The following ABCG1 variants were observed in gnomAD, a reference collection of about 807,000 sequenced individuals.
ABCG1 encodes ATP binding cassette subfamily G member 1.
In ABCG1, 29 loss-of-function variants were observed where a neutral mutation model predicts 69.2. The ratio of observed to expected loss-of-function variants is 0.42; its 90% CI spans 0.31 to 0.57. The LOEUF is 0.57. Among genes scored for constraint, ABCG1 ranks in the 20% least tolerant of loss-of-function variants. The pLI is 0.15. For missense variants in ABCG1, 718 were observed against 898.1 expected, an observed-to-expected ratio of 0.80 and a Z score of 2.56; for synonymous variants, 370 against 374.8, an observed-to-expected ratio of 0.99 and a Z score of 0.15.
intron 2 of ABCG1, among the ~76,000 whole-genome samples, chr21:42,232,346 C>A (rs1228252356): frequency 6.6e-6 from 1 of 152,212 alleles, no homozygotes; most frequent in African/African-American, 2.4e-5. Flanking sequence ...CAAACCCTCA[C>A]CAGCTTGGGC....
chr21:42,276,801 G>A lies in ABCG1; in HGVS notation c.538-94G>A. The A allele has an allele frequency of 7.6e-7, 1 of 1,307,694 alleles. No homozygotes were observed. The highest frequency in any genetic ancestry group is 1.1e-6 in the Non-Finnish European group (1 of 912,190). The allele number at this position is 1,307,694 out of a possible 1,614,324, so 81.0% of individuals were successfully genotyped here. A position where few individuals can be genotyped will look rare whatever the true frequency, so the allele number is the denominator to read the frequency against. Reference sequence around the variant, plus strand: ...TGGCACTGTGGCTAGCTGCATCTTGGCTAGCTGCACCGTGGCCTGCAGTGC... The same window carrying A: ...TGGCACTGTGGCTAGCTGCATCTTGACTAGCTGCACCGTGGCCTGCAGTGC... On this transcript the variant is annotated intron_variant, in intron 4 of 14. Transcript: ENST00000398449. The surrounding 1 kb of genome is among the most constrained non-coding windows in gnomAD (Gnocchi z 5.3).
In ABCG1 at chr21:42,276,752, T is replaced by C. The variant is rs1248253801; in HGVS notation, c.538-143T>C. ...CTAGCGGCATTGTGGCTAGCTGCAC[T>C]GTGGGTAGCTGCACCGTGGCTAGTG... On this transcript the variant is annotated intron_variant, in intron 4 of 14. Coordinates refer to ENST00000398449, the MANE Select transcript of ABCG1 (RefSeq NM_016818.3). The surrounding 1 kb of genome is among the most constrained non-coding windows in gnomAD (Gnocchi z 5.3). The C allele has an allele frequency of 1.3e-6, 1 of 770,114 alleles. No homozygotes were observed. Among genetic ancestry groups the C allele is most frequent in the Non-Finnish European group, 2.2e-6 (1 of 457,078 alleles). 47.7% of individuals were successfully genotyped at this position (770,114 alleles called of 1,614,324 possible).
At chr21:42,236,177 G>T (rs2067976012) in intron 2 of ABCG1, among the ~76,000 whole-genome samples, 3 of 152,220 alleles carry the variant, frequency 2.0e-5, no homozygotes, top group African/African-American at 4.8e-5. Context: ...TGCAGCGTTG[G>T]CTCCGCTAAG....
chr21:42,292,737 T>C (rs1475204023), intron 13 of ABCG1, among the ~76,000 whole-genome samples: 145 of 68,156 alleles, frequency 2.1e-3, no homozygotes, highest in Middle Eastern at 0.034. Flanking sequence ...ACACACTGCA[T>C]ACACACCACA....
chr21:42,200,323 C>G (rs1455797900), intron 1 of ABCG1, among the ~76,000 whole-genome samples: 1 of 152,212 alleles, frequency 6.6e-6, no homozygotes, highest in Admixed American at 6.5e-5. Flanking sequence ...TAGATCCCTC[C>G]AGAGAAGCCT....
intron 5 of ABCG1, among the ~76,000 whole-genome samples, chr21:42,279,757 C>T (rs940971144): frequency 6.6e-5 from 10 of 152,212 alleles, no homozygotes; most frequent in Non-Finnish European, 1.2e-4. Flanking sequence ...CAGCAGGCTC[C>T]GTGCTGAAGT....
At chr21:42,277,402 C>T (rs1321923892) in intron 5 of ABCG1, among the ~76,000 whole-genome samples, 1 of 152,226 alleles carries the variant, frequency 6.6e-6, no homozygotes, top group African/African-American at 2.4e-5. Context: ...ATGTTATTAA[C>T]CGGCCTCTTA....
At chr21:42,201,793 C>T (rs1402954709) in intron 2 of ABCG1, 3 of 1,609,084 alleles carry the variant, frequency 1.9e-6, no homozygotes, top group Middle Eastern at 1.6e-4. Context: ...TGTTTCAACT[C>T]GTTCCGTGGG....
intron 13 of ABCG1, among the ~76,000 whole-genome samples, chr21:42,293,245 C>A (rs2069119776): frequency 8.3e-6 from 1 of 121,132 alleles, no homozygotes. Context: ...CACACACACA[C>A]CACACTACAC....
At chr21:42,263,683 T>C (rs909345458) in intron 2 of ABCG1, among the ~76,000 whole-genome samples, 2 of 152,182 alleles carry the variant, frequency 1.3e-5, no homozygotes, top group Non-Finnish European at 1.5e-5. Context: ...TTTGTGCTTA[T>C]GTAACACAAG....
At chr21:42,281,500 G>A (rs371574611) in intron 5 of ABCG1, among the ~76,000 whole-genome samples, 9 of 152,218 alleles carry the variant, frequency 5.9e-5, no homozygotes, top group East Asian at 3.8e-4. Flanking sequence ...GGCTCCGTGC[G>A]CAGTGCCCTG....
At chr21:42,245,035 C>T (rs1351976713) in intron 2 of ABCG1, among the ~76,000 whole-genome samples, 1 of 152,212 alleles carries the variant, frequency 6.6e-6, no homozygotes, top group Non-Finnish European at 1.5e-5. Context: ...CCAGCTCTGC[C>T]CCCACGCGCT....
Position 42,207,580 on chromosome 21 carries a change from T to C in ABCG1, c.48+5857T>C, listed in dbSNP as rs545745436. On this transcript the variant is annotated intron_variant, in intron 2 of 15. Coordinates refer to the ABCG1 transcript ENST00000398457. ...TCCTCTTTGCATTGGCATGCATTGATTGGCATCCATCCATTAATTGGCTTC... is the reference window on the plus strand; with the variant it reads ...TCCTCTTTGCATTGGCATGCATTGACTGGCATCCATCCATTAATTGGCTTC... Among the ~76,000 whole-genome samples, 15 of 152,384 alleles carry C rather than the reference T, an allele frequency of 9.8e-5. No individual in the cohort carries two copies. In the South Asian group the frequency reaches 2.7e-3, roughly 27 times the overall value.
intron 8 of ABCG1, 78 bp downstream of exon 8, chr21:42,286,072 C>G: frequency 1.0e-6 from 1 of 968,120 alleles, no homozygotes; most frequent in Non-Finnish European, 1.7e-6. Flanking sequence ...AGCTGACGCC[C>G]CCAACTCAGA....
Position 42,273,120 on chromosome 21 carries a change from C to G in ABCG1, c.405-183C>G, listed in dbSNP as rs190109265. The stretch of plus-strand genomic sequence containing the variant: ...AGCTTTCTCTGTGGAATGTCTTCCT[C>G]CCGATCGCTGCAGTGCTAGCGAGGT... On this transcript the variant is annotated intron_variant, in intron 3 of 14. Coordinates refer to ENST00000398449, the MANE Select transcript of ABCG1 (RefSeq NM_016818.3). The surrounding 1 kb of genome is among the most constrained non-coding windows in gnomAD (Gnocchi z 5.3). 2.2e-3 allele frequency among the ~76,000 whole-genome samples: 331 copies of G among 152,338 alleles called. 1 individual carries two copies. The highest frequency in any genetic ancestry group is 7.5e-3 in the African/African-American group (311 of 41,566).
At chr21:42,236,994 C>T (rs1014712530) in intron 2 of ABCG1, among the ~76,000 whole-genome samples, 3 of 152,180 alleles carry the variant, frequency 2.0e-5, no homozygotes, top group African/African-American at 7.2e-5. Flanking sequence ...CAGAAAATGG[C>T]CGTGTCCTGA....
At chr21:42,245,739 T>C (rs886656723) in intron 2 of ABCG1, among the ~76,000 whole-genome samples, 4 of 152,162 alleles carry the variant, frequency 2.6e-5, no homozygotes, top group African/African-American at 9.7e-5. Flanking sequence ...TGTATTTCCT[T>C]ATCTATTCCT....
Position 42,263,312 on chromosome 21 carries a change from C to T in ABCG1, c.287-7758C>T, listed in dbSNP as rs188545106. Among the ~76,000 whole-genome samples the T allele has an allele frequency of 4.0e-3, 605 of 152,168 alleles. 8 individuals are homozygous for T. The highest frequency in any genetic ancestry group is 0.013 in the African/African-American group (549 of 41,510). ...TGCCTTCATTTCCAAGGGAGGAAAC[C>T]GTCTTTTTTATTGTTTGTTTTGGAA... is the stretch of plus-strand genomic sequence containing the variant. On this transcript the variant is annotated intron_variant, in intron 2 of 14. Coordinates refer to ENST00000398449, the MANE Select transcript of ABCG1 (RefSeq NM_016818.3).
Position 42,225,750 on chromosome 21 carries a change from T to A in ABCG1, c.122T>A (p.Met41Lys), listed in dbSNP as rs777391482. Residue 41 changes from methionine to lysine, a missense_variant, in exon 2 of 15, where the codon ATG becomes AAG. Met to Lys is a moderately conservative substitution (Grantham distance 95). Coordinates refer to ENST00000398449, the MANE Select transcript of ABCG1 (RefSeq NM_016818.3). ...GTGGATGAGGTGGTGTCCAGCAACATGGAGGCCACTGAGACGGACCTGCTG... is the reference window on the plus strand; with the variant it reads ...GTGGATGAGGTGGTGTCCAGCAACAAGGAGGCCACTGAGACGGACCTGCTG... ...VSVDEVVSSN[M>K]EATETDLLNG... The A allele has an allele frequency of 1.2e-6, 2 of 1,613,968 alleles. No individual in the cohort carries two copies. The highest frequency in any genetic ancestry group is 8.5e-7 in the Non-Finnish European group (1 of 1,180,000).
Sources: allele counts gnomAD v4.1 joint callset (sites outside exome capture counted in the v4.1 genomes callset), GRCh38; gene constraint gnomAD v4.1.1; non-coding constraint Gnocchi (gnomAD v3.1); transcripts MANE v1.5; gene names NCBI Gene and HGNC (gene_info 2026-07-23, HGNC 2026-07-21).